DIAPH2: variants seen among roughly 807,000 people sequenced by gnomAD.
The protein encoded by DIAPH2 is diaphanous related formin 2.
In DIAPH2, 35 loss-of-function variants were observed where a neutral mutation model predicts 92.7. The ratio of observed to expected loss-of-function variants is 0.38; its 90% CI spans 0.29 to 0.50. DIAPH2 has a LOEUF of 0.50. DIAPH2 is among the 20% of genes least tolerant of loss of function. DIAPH2 has a pLI of 0.94. For missense variants in DIAPH2, 701 were observed against 819.5 expected, an observed-to-expected ratio of 0.86 and a Z score of 1.77; for synonymous variants, 301 against 280.4, an observed-to-expected ratio of 1.07 and a Z score of -0.73.
At chrX:97,292,116 A>G (rs1380775799) in intron 23 of DIAPH2, among the ~76,000 whole-genome samples, 2 of 98,561 alleles carry the variant, frequency 2.0e-5, no homozygotes, top group African/African-American at 3.9e-5. Flanking sequence ...TCTGTCACCC[A>G]GGCTGGAGTG....
intron 1 of DIAPH2, among the ~76,000 whole-genome samples, chrX:96,723,828 A>AT (rs1395171265): frequency 1.8e-5 from 2 of 111,088 alleles, no homozygotes; most frequent in East Asian, 5.6e-4. Flanking sequence ...TAATTTAGGA[A>AT]TTTTGTAAAA....
At chrX:96,859,546 T>A (rs1194877982) in intron 4 of DIAPH2, among the ~76,000 whole-genome samples, 2 of 110,740 alleles carry the variant, frequency 1.8e-5, no homozygotes. Context: ...AAAAGGGAGA[T>A]ATTATAATAG....
chrX:96,810,847 C>T (rs896863744), intron 4 of DIAPH2, among the ~76,000 whole-genome samples: 7 of 111,496 alleles, frequency 6.3e-5, no homozygotes, highest in African/African-American at 2.3e-4. Context: ...GGTGTTATTT[C>T]TGAGGCTTCT....
intron 4 of DIAPH2, among the ~76,000 whole-genome samples, chrX:96,851,189 C>A (rs1389808768): frequency 8.9e-6 from 1 of 112,018 alleles, no homozygotes; most frequent in Non-Finnish European, 1.9e-5. Flanking sequence ...GCAACCTCTG[C>A]CTCCCAGGTT....
intron 26 of DIAPH2, among the ~76,000 whole-genome samples, chrX:97,442,282 A>T (rs951734539): frequency 1.8e-5 from 2 of 112,919 alleles, no homozygotes; most frequent in Non-Finnish European, 3.7e-5. Flanking sequence ...AAATTCAGAC[A>T]TGCTAATGTT....
chrX:96,738,888 TATAAC>T (rs1478699142), intron 3 of DIAPH2, 126 bp downstream of exon 3: 3 of 496,270 alleles, frequency 6.0e-6, no homozygotes, highest in Non-Finnish European at 9.2e-6. Flanking sequence ...AGAAACTTGA[TATAAC>T]AAAACTATTT....
intron 26 of DIAPH2, among the ~76,000 whole-genome samples, chrX:97,519,508 T>C (rs899444860): frequency 8.9e-5 from 10 of 111,732 alleles, no homozygotes; most frequent in Non-Finnish European, 1.9e-4. Context: ...GTCTTTAAAA[T>C]GGTTTTTAAG....
intron 26 of DIAPH2, among the ~76,000 whole-genome samples, chrX:97,438,359 G>GTTTTTTTTTTTTTTTTTTTTTTTTT (rs1238654436): frequency 2.9e-5 from 1 of 34,584 alleles, no homozygotes; most frequent in Non-Finnish European, 4.8e-5. Flanking sequence ...TTGTTTGTTT[G>GTTTTTTTTTTTTTTTTTTTTTTTTT]TTTTTTTTTT....
At chrX:96,923,160 G>T (rs2065557542) in intron 9 of DIAPH2, among the ~76,000 whole-genome samples, 1 of 112,093 alleles carries the variant, frequency 8.9e-6, no homozygotes, top group Non-Finnish European at 1.9e-5. Flanking sequence ...TATCAAAACA[G>T]CCCCAGTCTT....
chrX:96,844,974 G>A (rs2064961548), intron 4 of DIAPH2, among the ~76,000 whole-genome samples: 2 of 111,877 alleles, frequency 1.8e-5, no homozygotes, highest in Non-Finnish European at 3.8e-5. Flanking sequence ...ACTTTGTTAA[G>A]GAAAATACAT....
At chrX:97,159,447 C>G (rs1158156075) in intron 22 of DIAPH2, among the ~76,000 whole-genome samples, 2 of 111,817 alleles carry the variant, frequency 1.8e-5, no homozygotes, top group Non-Finnish European at 3.8e-5. Context: ...CTAATTAGTC[C>G]TTGTAGCCAA....
At chrX:96,918,485 C>T (rs1459755753) in intron 8 of DIAPH2, 24 bp from the exon 9 acceptor site, 1 of 1,029,907 alleles carries the variant, frequency 9.7e-7, no homozygotes, top group Admixed American at 2.7e-5. Context: ...TTTCTCATTT[C>T]TGTTTCTTCT....
At chrX:96,937,444 G>A (rs2065664872) in intron 11 of DIAPH2, 93 bp downstream of exon 11, 1 of 470,725 alleles carries the variant, frequency 2.1e-6, no homozygotes, top group Non-Finnish European at 3.5e-6. Flanking sequence ...GTTCTTGTCT[G>A]CCCTCCCAAT....
chrX:97,578,378 A>T (rs1241307761), intron 26 of DIAPH2, among the ~76,000 whole-genome samples: 1 of 102,186 alleles, frequency 9.8e-6, no homozygotes, highest in Non-Finnish European at 2.0e-5. Context: ...TGTCCATGTC[A>T]TCTCATTGTT....
intron 26 of DIAPH2, among the ~76,000 whole-genome samples, chrX:97,524,689 C>T (rs1320098075): frequency 8.9e-6 from 1 of 112,065 alleles, no homozygotes; most frequent in Non-Finnish European, 1.9e-5. Flanking sequence ...TTTGTGACAA[C>T]AACATACGTT....
At chrX:96,744,479 A>G (rs5990235) in intron 3 of DIAPH2, among the ~76,000 whole-genome samples, 21,803 of 111,679 alleles carry the variant, frequency 0.2, 1,582 homozygotes, top group East Asian at 0.32. Context: ...CTTCATTTAA[A>G]CTAAATATAA....
At chrX:97,016,391 A>C (rs2066260726) in intron 17 of DIAPH2, among the ~76,000 whole-genome samples, 1 of 112,219 alleles carries the variant, frequency 8.9e-6, no homozygotes, top group Non-Finnish European at 1.9e-5. Flanking sequence ...TTGGAATGCC[A>C]AGGTTGCATC....
At chrX:97,282,797 A>T (rs1369047316) in intron 23 of DIAPH2, among the ~76,000 whole-genome samples, 1 of 111,658 alleles carries the variant, frequency 9.0e-6, no homozygotes, top group African/African-American at 3.3e-5. Flanking sequence ...AGTTCTCTGG[A>T]TTAATTTATG....
At chrX:96,909,699 T>G (rs1415766360) in intron 5 of DIAPH2, among the ~76,000 whole-genome samples, 1 of 111,654 alleles carries the variant, frequency 9.0e-6, no homozygotes, top group Admixed American at 9.5e-5. Flanking sequence ...GACTTTTCCC[T>G]GTCTAGCTTG....
Sources: allele counts gnomAD v4.1 joint callset (sites outside exome capture counted in the v4.1 genomes callset), GRCh38; gene constraint gnomAD v4.1.1; transcripts MANE v1.5; gene names NCBI Gene and HGNC (gene_info 2026-07-23, HGNC 2026-07-21).